The following RABGAP1L variants were observed in gnomAD, a reference collection of about 807,000 sequenced individuals.
RABGAP1L encodes rab GTPase-activating protein 1-like.
In RABGAP1L, 63 loss-of-function variants were observed where a neutral mutation model predicts 137.7. The ratio of observed to expected loss-of-function variants is 0.46; its 90% CI spans 0.37 to 0.56. The LOEUF (loss-of-function observed/expected upper bound fraction) is 0.56, where lower values mean the gene tolerates loss of function less well. RABGAP1L is among the 20% of genes least tolerant of loss of function. The pLI is 0.00. For synonymous variants in RABGAP1L, 431 were observed against 433.7 expected (o/e 0.99, Z 0.08); for missense variants, 1,095 against 1,244.0 (o/e 0.88, Z 1.80).
intron 15 of RABGAP1L, among the ~76,000 whole-genome samples, chr1:174,698,321 CTT>C (rs1427739384): frequency 1.3e-5 from 2 of 152,242 alleles, no homozygotes; most frequent in Non-Finnish European, 2.9e-5. Flanking sequence ...TGACTTCAGA[CTT>C]TATTCCCTGT....
At chr1:174,262,553 T>G (rs1307887906) in intron 7 of RABGAP1L, among the ~76,000 whole-genome samples, 1 of 152,190 alleles carries the variant, frequency 6.6e-6, no homozygotes, top group Non-Finnish European at 1.5e-5. Flanking sequence ...GGTAACATCT[T>G]ACATAACCAT....
chr1:174,609,965 G>C (rs1375009711), intron 13 of RABGAP1L, among the ~76,000 whole-genome samples: 1 of 150,656 alleles, frequency 6.6e-6, no homozygotes, highest in Non-Finnish European at 1.5e-5. Flanking sequence ...TTTGTTCATA[G>C]TTTATATAAT....
At chr1:174,701,218 G>GA (rs1287537849) in intron 16 of RABGAP1L, 4 of 1,267,596 alleles carry the variant, frequency 3.2e-6, no homozygotes, top group Non-Finnish European at 3.1e-6. Flanking sequence ...TAAATTGGGA[G>GA]AAAAAAATAA....
chr1:174,492,014 CTG>C (rs1660284325), intron 13 of RABGAP1L, among the ~76,000 whole-genome samples: 1 of 152,084 alleles, frequency 6.6e-6, no homozygotes, highest in Admixed American at 6.6e-5. Flanking sequence ...ATGCCTCTTT[CTG>C]TAATATTCAG....
intron 13 of RABGAP1L, among the ~76,000 whole-genome samples, chr1:174,508,004 C>G (rs1456254669): frequency 6.6e-6 from 1 of 152,036 alleles, no homozygotes; most frequent in African/African-American, 2.4e-5. Context: ...GTAGCTTGTT[C>G]TGGTTGATTT....
intron 14 of RABGAP1L, among the ~76,000 whole-genome samples, chr1:174,671,007 C>T (rs535801949): frequency 3.9e-5 from 6 of 152,238 alleles, no homozygotes; most frequent in South Asian, 2.1e-4. Flanking sequence ...ACGTTCCCAC[C>T]AACAGTGTAT....
chr1:174,276,037 T>TTA, intron 9 of RABGAP1L, 102 bp downstream of exon 9: 2 of 766,460 alleles, frequency 2.6e-6, no homozygotes. Flanking sequence ...CAAAGTGGAC[T>TTA]TATTCTTTCA....
intron 13 of RABGAP1L, among the ~76,000 whole-genome samples, chr1:174,495,887 A>G (rs1288513937): frequency 6.6e-6 from 1 of 152,066 alleles, no homozygotes; most frequent in Non-Finnish European, 1.5e-5. Context: ...TAGGTCAAAG[A>G]CTTATTTTAT....
intron 18 of RABGAP1L, among the ~76,000 whole-genome samples, chr1:174,792,127 C>T (rs537630994): frequency 6.6e-6 from 1 of 152,334 alleles, no homozygotes; most frequent in East Asian, 1.9e-4. Context: ...CTGACTCTGC[C>T]TCTGACAAGT....
At chr1:174,753,401 C>A (rs1052044202) in intron 18 of RABGAP1L, among the ~76,000 whole-genome samples, 1 of 152,128 alleles carries the variant, frequency 6.6e-6, no homozygotes, top group Non-Finnish European at 1.5e-5. Context: ...ATTAACATAA[C>A]CTTGATTCTA....
At chr1:174,486,183 T>C (rs555425630) in intron 13 of RABGAP1L, among the ~76,000 whole-genome samples, 1 of 151,826 alleles carries the variant, frequency 6.6e-6, no homozygotes, top group Non-Finnish European at 1.5e-5. Context: ...TTGTAATATC[T>C]CCTTTTTCAC....
chr1:174,443,542 G>A (rs139972906), intron 13 of RABGAP1L, among the ~76,000 whole-genome samples: 3 of 151,962 alleles, frequency 2.0e-5, no homozygotes, highest in South Asian at 2.1e-4. Flanking sequence ...TGTCTATTCA[G>A]ATCTTTTGCT....
At chr1:174,432,358 A>G (rs1480943537) in intron 13 of RABGAP1L, among the ~76,000 whole-genome samples, 1 of 152,156 alleles carries the variant, frequency 6.6e-6, no homozygotes, top group Non-Finnish European at 1.5e-5. Flanking sequence ...GTCTGCTAGC[A>G]TAAAACATAA....
intron 18 of RABGAP1L, among the ~76,000 whole-genome samples, chr1:174,768,514 C>G (rs1685855316): frequency 6.6e-6 from 1 of 152,182 alleles, no homozygotes; most frequent in African/African-American, 2.4e-5. Flanking sequence ...GGGAAAAATA[C>G]CTCAAATGAA....
At chr1:174,937,103 T>C (rs939210060) in intron 19 of RABGAP1L, among the ~76,000 whole-genome samples, 1 of 146,586 alleles carries the variant, frequency 6.8e-6, no homozygotes, top group African/African-American at 2.5e-5. Context: ...CTCAGCCTCC[T>C]GAGCAGCTGT....
chr1:174,717,635 A>T (rs574845065), intron 17 of RABGAP1L, among the ~76,000 whole-genome samples: 87 of 152,332 alleles, frequency 5.7e-4, no homozygotes, highest in Non-Finnish European at 1.0e-3. Flanking sequence ...TACAAAAAAC[A>T]GGTCACCTTT....
chr1:174,305,921 C>G (rs538398895), intron 11 of RABGAP1L, among the ~76,000 whole-genome samples: 10 of 152,114 alleles, frequency 6.6e-5, no homozygotes, highest in Non-Finnish European at 1.3e-4. Flanking sequence ...CCCCCTCCTC[C>G]CACCCTATAA....
chr1:174,603,811 T>G (rs1670588470), intron 13 of RABGAP1L, among the ~76,000 whole-genome samples: 1 of 152,082 alleles, frequency 6.6e-6, no homozygotes, highest in Admixed American at 6.6e-5. Flanking sequence ...GCAGGTTCCC[T>G]TCTGGCCCAG....
chr1:174,601,508 CA>C (rs201056310), intron 13 of RABGAP1L, among the ~76,000 whole-genome samples: 3,237 of 151,796 alleles, frequency 0.021, 120 homozygotes, highest in African/African-American at 0.075. Flanking sequence ...GGGTTGGGGG[CA>C]GGGGGAGGGA....
Sources: gnomAD v4.1 joint callset for allele counts (sites outside exome capture counted in the v4.1 genomes callset) on GRCh38, gnomAD v4.1.1 for gene constraint, MANE v1.5 for transcripts, NCBI Gene and HGNC (gene_info 2026-07-23, HGNC 2026-07-21) for gene names.